The following ERICH6B variants were observed in gnomAD, a reference collection of about 807,000 sequenced individuals.
ERICH6B encodes glutamate-rich protein 6B.
In ERICH6B, 69 loss-of-function variants were observed where a neutral mutation model predicts 80.0. The ratio of observed to expected loss-of-function variants is 0.86; its 90% CI spans 0.71 to 1.05. ERICH6B has a LOEUF of 1.05. Among genes scored for constraint, ERICH6B ranks in the 50% least tolerant of loss-of-function variants. ERICH6B has a pLI of 0.00. For synonymous variants in ERICH6B, 283 were observed against 291.9 expected, an observed-to-expected ratio of 0.97 and a Z score of 0.31; for missense variants, 754 against 796.1, an observed-to-expected ratio of 0.95 and a Z score of 0.64.
At chr13:45,576,810 G>C (rs1875425668) in intron 7 of ERICH6B, among the ~76,000 whole-genome samples, 1 of 152,148 alleles carries the variant, frequency 6.6e-6, no homozygotes, top group Admixed American at 6.5e-5. Flanking sequence ...ACTCAACAGT[G>C]GTGCTCAGAA....
intron 8 of ERICH6B, among the ~76,000 whole-genome samples, chr13:45,570,724 C>T (rs1239121538): frequency 2.0e-5 from 3 of 152,178 alleles, no homozygotes; most frequent in Non-Finnish European, 4.4e-5. Context: ...GTATTTGCCC[C>T]ATTGCAGCTG....
intron 9 of ERICH6B, among the ~76,000 whole-genome samples, chr13:45,566,609 G>A (rs1012402095): frequency 3.3e-5 from 5 of 152,272 alleles, no homozygotes; most frequent in African/African-American, 1.2e-4. Flanking sequence ...ACCACATGAT[G>A]TTGAGCCTGT....
At chr13:45,563,551 G>T in intron 10 of ERICH6B, 176 bp downstream of exon 10, 2 of 659,284 alleles carry the variant, frequency 3.0e-6, no homozygotes, top group East Asian at 2.7e-5. Context: ...GCCCTAGACT[G>T]TGCCTGCCAT....
At chr13:45,595,315 A>G (rs549257105) in intron 3 of ERICH6B, among the ~76,000 whole-genome samples, 2 of 152,312 alleles carry the variant, frequency 1.3e-5, no homozygotes, top group African/African-American at 4.8e-5. Context: ...TCAACACAAC[A>G]CAATGTGATG....
intron 8 of ERICH6B, among the ~76,000 whole-genome samples, chr13:45,571,550 C>T (rs978134980): frequency 1.3e-5 from 2 of 152,212 alleles, no homozygotes; most frequent in African/African-American, 2.4e-5. Flanking sequence ...TTGTGATCCT[C>T]TCTCCGTCTA....
In ERICH6B at chr13:45,541,316, T is replaced by G; in HGVS notation, c.*146A>C. The G allele has an allele frequency of 1.4e-6, 1 of 691,898 alleles. No individual in the cohort carries two copies. The highest frequency in any genetic ancestry group is 2.4e-6 in the Non-Finnish European group (1 of 416,034). 42.9% of individuals were successfully genotyped at this position (691,898 alleles called of 1,614,324 possible). On this transcript the variant is annotated 3_prime_UTR_variant, in exon 15 of 15. Transcript: ENST00000298738. The stretch of plus-strand genomic sequence containing the variant: ...CTGTTAGCCCTTCTGCCAAAAATGT[T>G]TACTTCAAATCAAGGAGCCACGACA...
At position 45,544,991 on chromosome 13, in the gene ERICH6B, C is replaced by T; in HGVS notation, c.1647-6G>A. 1 of 1,549,458 alleles carries T rather than the reference C, an allele frequency of 6.5e-7. No homozygotes were observed. Among genetic ancestry groups the T allele is most frequent in the Middle Eastern group, 2.1e-4 (1 of 4,804 alleles). On this transcript the variant is annotated splice_polypyrimidine_tract_variant and splice_region_variant and intron_variant, in intron 13 of 14. Transcript: ENST00000298738. Reference sequence around the variant, plus strand: ...GGTTGGAGCTCAGGTTCAACCTGGACCAGGAGAAAGCATGTCAGGCAGCCA... The same window carrying T: ...GGTTGGAGCTCAGGTTCAACCTGGATCAGGAGAAAGCATGTCAGGCAGCCA...
chr13:45,549,344 G>GA (rs1420494003), intron 13 of ERICH6B, among the ~76,000 whole-genome samples: 11 of 151,996 alleles, frequency 7.2e-5, no homozygotes, highest in African/African-American at 2.2e-4. Flanking sequence ...GGGAGGGAAG[G>GA]AAAAAATCCT....
intron 11 of ERICH6B, among the ~76,000 whole-genome samples, chr13:45,560,549 T>C (rs1165689642): frequency 6.6e-6 from 1 of 152,224 alleles, no homozygotes; most frequent in African/African-American, 2.4e-5. Context: ...TACAATGACA[T>C]GTATCCAACA....
In ERICH6B at chr13:45,563,530, AACTC is replaced by A. The variant is rs1874780041; in HGVS notation, c.1249+193_1249+196del. 1.7e-5 allele frequency: 10 copies of A among 603,960 alleles called. No homozygotes were observed. The Middle Eastern group carries it at 1.4e-3, about 82-fold the overall frequency. The allele number at this position is 603,960 out of a possible 1,614,324, so 37.4% of individuals were successfully genotyped here. On this transcript the variant is annotated intron_variant, in intron 10 of 14. Transcript: ENST00000298738. Reference sequence around the variant, plus strand: ...CACCTGCCCCTGCCACCAAGAAAGAAACTCACTGGGGCCCTAGACTGTGCCTGCC... The same window carrying A: ...CACCTGCCCCTGCCACCAAGAAAGAAACTGGGGCCCTAGACTGTGCCTGCC...
At chr13:45,587,778 C>G (rs1445548382) in intron 4 of ERICH6B, among the ~76,000 whole-genome samples, 1 of 152,118 alleles carries the variant, frequency 6.6e-6, no homozygotes, top group Non-Finnish European at 1.5e-5. Flanking sequence ...GAGGGATGAC[C>G]CTGACACATC....
chr13:45,589,857 C>T (rs1028982990), intron 4 of ERICH6B, among the ~76,000 whole-genome samples: 5 of 152,176 alleles, frequency 3.3e-5, no homozygotes, highest in African/African-American at 1.2e-4. Context: ...TGCAGTGCCC[C>T]TGGAGGTGTG....
intron 1 of ERICH6B, among the ~76,000 whole-genome samples, chr13:45,613,382 T>C (rs1047172995): frequency 4.6e-5 from 7 of 152,028 alleles, no homozygotes; most frequent in African/African-American, 1.7e-4. Context: ...TTCAGAAAAT[T>C]AGGCCTGGGT....
chr13:45,587,042 A>ACAGAGCGCAGCTTCCCTCACCGG, intron 5 of ERICH6B, 21 bp downstream of exon 5: 1 of 1,547,810 alleles, frequency 6.5e-7, no homozygotes. Flanking sequence ...CGCCTCACCG[A>ACAGAGCGCAGCTTCCCTCACCGG]CAGAGCGCAG....
intron 2 of ERICH6B, among the ~76,000 whole-genome samples, chr13:45,601,671 C>A (rs1332003162): frequency 6.6e-6 from 1 of 152,134 alleles, no homozygotes; most frequent in Non-Finnish European, 1.5e-5. Flanking sequence ...TCTCATCAGG[C>A]CTTGTAAAAA....
chr13:45,576,051 A>T (rs1875388521), intron 7 of ERICH6B, among the ~76,000 whole-genome samples: 1 of 152,134 alleles, frequency 6.6e-6, no homozygotes, highest in Admixed American at 6.5e-5. Flanking sequence ...TGTCCTTCTT[A>T]TGCCTTTGGG....
chr13:45,544,925 C>G lies in ERICH6B; in HGVS notation c.1707G>C (p.Trp569Cys). ...CATGGATGTTCAGATTCCACCAGTT[C>G]CAGGCCTTCTGGCGTTTGTCTTTGG... ...YFPKDKRQKA[W>C]NWWNLNIHVH... The change falls in exon 14 of 15, where the codon TGG (tryptophan) becomes TGC (cysteine). Residue 569 changes from tryptophan (W) to cysteine (C), a missense_variant. By Grantham distance (215) the Trp-to-Cys change is radical. Transcript: ENST00000298738. The G allele has an allele frequency of 1.3e-6, 2 of 1,551,688 alleles. No homozygotes were observed. The highest frequency in any genetic ancestry group is 8.7e-7 in the Non-Finnish European group (1 of 1,147,002).
intron 2 of ERICH6B, among the ~76,000 whole-genome samples, chr13:45,602,451 T>C (rs778662509): frequency 5.3e-5 from 8 of 152,244 alleles, no homozygotes; most frequent in Non-Finnish European, 7.3e-5. Context: ...AGTCCTCGGA[T>C]TGAATCAGTC....
At chr13:45,583,351 GT>G (rs1875753144) in intron 5 of ERICH6B, among the ~76,000 whole-genome samples, 1 of 152,060 alleles carries the variant, frequency 6.6e-6, no homozygotes, top group African/African-American at 2.4e-5. Flanking sequence ...TTATTATTAT[GT>G]TTTGGTAAGA....
Sources: gnomAD v4.1 joint callset for allele counts (sites outside exome capture counted in the v4.1 genomes callset) on GRCh38, gnomAD v4.1.1 for gene constraint, MANE v1.5 for transcripts, NCBI Gene and HGNC (gene_info 2026-07-23, HGNC 2026-07-21) for gene names.